Variants in SCAF8 observed in about 807,000 individuals in gnomAD.
SCAF8 encodes the protein SR-related CTD associated factor 8.
In SCAF8, 23 loss-of-function variants were observed where a neutral mutation model predicts 140.5. That is an observed-to-expected ratio of 0.16 (90% confidence interval 0.12 to 0.23). The LOEUF is 0.23. Ranked by LOEUF, SCAF8 falls within the 10% of genes least tolerant of loss-of-function variation. The pLI is 1.00. For missense variants in SCAF8, 1,397 were observed against 1,555.7 expected (o/e 0.90, Z 1.72); for synonymous variants, 575 against 528.9 (o/e 1.09, Z -1.20).
At chr6:154,814,368 G>A (rs192424260) in intron 12 of SCAF8, among the ~76,000 whole-genome samples, 1 of 152,302 alleles carries the variant, frequency 6.6e-6, no homozygotes, top group East Asian at 1.9e-4. Context: ...TGAGACTTTG[G>A]TTGAAGATTA....
Position 154,803,607 on chromosome 6 carries a change from A to G in SCAF8, c.847A>G (p.Ile283Val), listed in dbSNP as rs757558916. The stretch of plus-strand genomic sequence containing the variant: ...GCATAGTGAAGAACCCAAAAAGGAA[A>G]TTCCAGCTTCACAACTGTAAGAATT... The part of the protein sequence containing the change: ...SEHSEEPKKE[I>V]PASQLSHVSE... Residue 283 changes from isoleucine (I) to valine (V), a missense_variant, in exon 8 of 20, where the codon ATT (isoleucine) becomes GTT (valine). Physicochemically the swap from Ile to Val is conservative, Grantham distance 29. This residue lies in a region of SCAF8 where 339 missense variants were observed against 407.5 expected (regional missense o/e 0.83). Coordinates refer to ENST00000367178, the MANE Select transcript of SCAF8 (RefSeq NM_014892.5). The G allele has an allele frequency of 5.0e-6, 8 of 1,611,038 alleles. No homozygotes were observed. The Admixed American group carries it at 1.2e-4, about 24-fold the overall frequency.
rs969557025 is a variant in SCAF8 at position 154,799,479 on chromosome 6, C to CT, written c.607-2490dup. 2.7e-4 allele frequency among the ~76,000 whole-genome samples: 41 copies of CT among 151,262 alleles called. 1 individual carries two copies. Among genetic ancestry groups the CT allele is most frequent in the African/African-American group, 9.7e-4 (40 of 41,358 alleles). On this transcript the variant is annotated intron_variant, in intron 6 of 19. Coordinates refer to ENST00000367178, the MANE Select transcript of SCAF8 (RefSeq NM_014892.5). The stretch of plus-strand genomic sequence containing the variant: ...TGTTCTCAGTTTGACCTATTGTTCC[C>CT]TTCCCAACATTTTCTATCACCAGTT...
chr6:154,788,075 CTTGGTCTT>C, intron 4 of SCAF8, 53 bp downstream of exon 4: 2 of 1,456,284 alleles, frequency 1.4e-6, no homozygotes, highest in Non-Finnish European at 1.9e-6. Flanking sequence ...ACAGTAGCCT[CTTGGTCTT>C]AATTAGTCTT....
At chr6:154,831,883 T>G in intron 19 of SCAF8, 56 bp from the exon 20 acceptor site, 1 of 1,467,756 alleles carries the variant, frequency 6.8e-7, no homozygotes, top group Non-Finnish European at 9.2e-7. Flanking sequence ...TAAGCTAAAA[T>G]TATTGGAAAC....
intron 5 of SCAF8, among the ~76,000 whole-genome samples, chr6:154,793,239 C>T (rs1777475573): frequency 6.6e-6 from 1 of 151,884 alleles, no homozygotes; most frequent in Non-Finnish European, 1.5e-5. Flanking sequence ...TTAGATTTTT[C>T]CTGATTTAAG....
At chr6:154,799,219 C>T (rs914096561) in intron 6 of SCAF8, among the ~76,000 whole-genome samples, 27 of 151,068 alleles carry the variant, frequency 1.8e-4, no homozygotes, top group African/African-American at 6.5e-4. Flanking sequence ...CTCAGGCGAT[C>T]CCCCCACGTC....
At chr6:154,738,774 A>G (rs1246339100) in intron 1 of SCAF8, among the ~76,000 whole-genome samples, 1 of 152,200 alleles carries the variant, frequency 6.6e-6, no homozygotes, top group Non-Finnish European at 1.5e-5. Flanking sequence ...TTACTTTGGG[A>G]CTGCATTGAT....
At chr6:154,746,957 A>G (rs983137029) in intron 1 of SCAF8, among the ~76,000 whole-genome samples, 1 of 152,256 alleles carries the variant, frequency 6.6e-6, no homozygotes, top group African/African-American at 2.4e-5. Flanking sequence ...CTGATAAAAA[A>G]CCAAAACAGC....
chr6:154,762,856 G>A (rs996825693), intron 1 of SCAF8, among the ~76,000 whole-genome samples: 4 of 152,030 alleles, frequency 2.6e-5, no homozygotes, highest in Non-Finnish European at 5.9e-5. Flanking sequence ...GGTGGTTACC[G>A]TCATATCCCA....
chr6:154,833,905 C>T lies in SCAF8; in HGVS notation c.*510C>T, dbSNP rs9375. 0.51 allele frequency: 77,320 copies of T among 152,480 alleles called. 20,353 individuals carry two copies. The highest frequency in any genetic ancestry group is 0.57 in the Non-Finnish European group (38,832 of 68,082). 9.4% of individuals were successfully genotyped at this position (152,480 alleles called of 1,614,324 possible). A position where few individuals can be genotyped will look rare whatever the true frequency, so the allele number is the denominator to read the frequency against. ...AAGTGATTTTGTAAAATCTACACTA[C>T]GGTCTCTGTTTCTCCAAAGTAAGTG... On this transcript the variant is annotated 3_prime_UTR_variant, in exon 20 of 20. Coordinates refer to ENST00000367178, the MANE Select transcript of SCAF8 (RefSeq NM_014892.5).
intron 3 of SCAF8, among the ~76,000 whole-genome samples, chr6:154,784,122 T>TAGAG (rs1319572894): frequency 5.4e-5 from 1 of 18,690 alleles, no homozygotes; most frequent in African/African-American, 2.9e-4. Flanking sequence ...TGTCTTGAGA[T>TAGAG]ATATATATAT....
At chr6:154,787,749 A>T in intron 3 of SCAF8, 112 bp from the exon 4 acceptor site, 1 of 794,994 alleles carries the variant, frequency 1.3e-6, no homozygotes, top group Non-Finnish European at 2.0e-6. Flanking sequence ...AATATTCATT[A>T]CCATAGCATA....
At chr6:154,825,066 A>G (rs1778526272) in intron 17 of SCAF8, 1 of 152,204 alleles carries the variant, frequency 6.6e-6, no homozygotes, top group Non-Finnish European at 1.5e-5. Flanking sequence ...GAAAATTTGC[A>G]TTGTCCCTCC....
rs1452536204 is a variant in SCAF8, at chr6:154,834,154, CAT to C, written c.*761_*762del. On this transcript the variant is annotated 3_prime_UTR_variant, in exon 20 of 20. Transcript: ENST00000367178. ...CTTATTTTTTGCAAAAGCTTTCTATCATAACAACAATGAACTATGTGGTGGAA... is the reference window on the plus strand; with the variant it reads ...CTTATTTTTTGCAAAAGCTTTCTATCAACAACAATGAACTATGTGGTGGAA... 1 of 152,072 alleles carries C rather than the reference CAT, an allele frequency of 6.6e-6. No homozygotes were observed. The highest frequency in any genetic ancestry group is 1.5e-5 in the Non-Finnish European group (1 of 68,006). 9.4% of individuals were successfully genotyped at this position (152,072 alleles called of 1,614,324 possible). A position where few individuals can be genotyped will look rare whatever the true frequency, so the allele number is the denominator to read the frequency against.
intron 19 of SCAF8, 102 bp from the exon 20 acceptor site, chr6:154,831,837 A>T (rs1778748879): frequency 1.1e-6 from 1 of 901,992 alleles, no homozygotes; most frequent in African/African-American, 1.7e-5. Flanking sequence ...GTAGTAGCTA[A>T]TGTACCTTGA....
At chr6:154,817,974 A>T (rs1206638646) in intron 13 of SCAF8, among the ~76,000 whole-genome samples, 1 of 152,124 alleles carries the variant, frequency 6.6e-6, no homozygotes, top group Non-Finnish European at 1.5e-5. Flanking sequence ...TTTTATCATC[A>T]ATTGTTTCAG....
chr6:154,791,640 GTTTTT>G (rs369220358), intron 4 of SCAF8, among the ~76,000 whole-genome samples: 2 of 135,244 alleles, frequency 1.5e-5, no homozygotes, highest in Non-Finnish European at 3.3e-5. Context: ...AAGTTTTTTT[GTTTTT>G]TTAAAAAATG....
intron 8 of SCAF8, 138 bp from the exon 9 acceptor site, chr6:154,805,227 TTAAG>T (rs1391520843): frequency 3.6e-6 from 2 of 559,146 alleles, no homozygotes; most frequent in South Asian, 5.4e-5. Context: ...GTATTCTACT[TTAAG>T]TATTAAAATT....
At chr6:154,783,043 C>T (rs1490624842) in intron 3 of SCAF8, among the ~76,000 whole-genome samples, 5 of 152,110 alleles carry the variant, frequency 3.3e-5, no homozygotes, top group Non-Finnish European at 7.4e-5. Context: ...AACTAACTTA[C>T]CTTAGTTATC....
Sources: allele counts gnomAD v4.1 joint callset (sites outside exome capture counted in the v4.1 genomes callset), GRCh38; gene constraint gnomAD v4.1.1; regional missense constraint gnomAD v4.1.1; transcripts MANE v1.5; gene names NCBI Gene and HGNC (gene_info 2026-07-23, HGNC 2026-07-21).